THSD7A: variants seen among roughly 807,000 people sequenced by gnomAD.
The protein encoded by THSD7A is thrombospondin type 1 domain containing 7A, also known as thrombospondin type-1 domain-containing protein 7A.
A neutral mutation model predicts 231.3 loss-of-function variants in THSD7A; 96 were observed. The observed-to-expected ratio is 0.41, with a 90% confidence interval of 0.35 to 0.49. THSD7A has a LOEUF of 0.49. THSD7A is among the 20% of genes least tolerant of loss of function. The pLI is 0.05. For synonymous variants in THSD7A, 940 were observed against 743.3 expected, an observed-to-expected ratio of 1.26 and a Z score of -4.30; for missense variants, 2,290 against 2,070.2, an observed-to-expected ratio of 1.11 and a Z score of -2.06.
chr7:11,595,523 G>A (rs968537369), intron 2 of THSD7A, among the ~76,000 whole-genome samples: 7 of 152,150 alleles, frequency 4.6e-5, no homozygotes, highest in South Asian at 2.1e-4. Context: ...CATTGTGAGC[G>A]AGCTGGAAAT....
At chr7:11,685,984 T>C (rs1252165724) in intron 1 of THSD7A, among the ~76,000 whole-genome samples, 1 of 151,866 alleles carries the variant, frequency 6.6e-6, no homozygotes, top group Non-Finnish European at 1.5e-5. Context: ...CCATTAATGG[T>C]GGACTGGATA....
chr7:11,661,974 T>C (rs1293292834), intron 1 of THSD7A, among the ~76,000 whole-genome samples: 4 of 150,848 alleles, frequency 2.7e-5, no homozygotes, highest in Non-Finnish European at 5.9e-5. Flanking sequence ...TAAACACAAA[T>C]CATTGAAAGA....
At chr7:11,409,146 GA>G in intron 19 of THSD7A, among the ~76,000 whole-genome samples, 1 of 152,100 alleles carries the variant, frequency 6.6e-6, no homozygotes, top group Non-Finnish European at 1.5e-5. Context: ...TAAGAAATAG[GA>G]AAGAAAAAAC....
chr7:11,717,373 T>C (rs1349627330), intron 1 of THSD7A, among the ~76,000 whole-genome samples: 1 of 151,652 alleles, frequency 6.6e-6, no homozygotes, highest in Middle Eastern at 3.2e-3. Flanking sequence ...ACATTTTGTT[T>C]CTCTATCCTT....
In THSD7A at chr7:11,377,620, T is replaced by C. The variant is rs1481497000; in HGVS notation, c.4802-963A>G. On this transcript the variant is annotated intron_variant, in intron 26 of 27. Coordinates refer to ENST00000423059, the MANE Select transcript of THSD7A (RefSeq NM_015204.3). The surrounding 1 kb of genome is among the most constrained non-coding windows in gnomAD (Gnocchi z 4.5). ...TTGCTGGGAATAAACTCAATTAATA[T>C]TCTAAATATCCTTTCTTTCTAATCC... Among the ~76,000 whole-genome samples the C allele has an allele frequency of 4.6e-5, 7 of 152,072 alleles. No homozygotes were observed. Among genetic ancestry groups the C allele is most frequent in the Non-Finnish European group, 1.0e-4 (7 of 67,978 alleles).
chr7:11,669,833 A>C (rs943096929), intron 1 of THSD7A, among the ~76,000 whole-genome samples: 4 of 152,138 alleles, frequency 2.6e-5, no homozygotes, highest in Non-Finnish European at 5.9e-5. Flanking sequence ...ATAATCCTTC[A>C]TCTAAGAGTA....
At chr7:11,691,349 G>C (rs969498117) in intron 1 of THSD7A, among the ~76,000 whole-genome samples, 11 of 151,394 alleles carry the variant, frequency 7.3e-5, no homozygotes, top group African/African-American at 2.4e-4. Flanking sequence ...TCAAAGAGTA[G>C]TATATGATAT....
At chr7:11,523,536 C>G (rs939439631) in intron 6 of THSD7A, among the ~76,000 whole-genome samples, 2 of 151,792 alleles carry the variant, frequency 1.3e-5, no homozygotes, top group South Asian at 2.1e-4. Context: ...TAATCCCTGA[C>G]AAAAAATTAC....
intron 11 of THSD7A, among the ~76,000 whole-genome samples, chr7:11,459,665 ATTTTTTTTTTTTTTTTTTTTTTT>A (rs34415355): frequency 1.3e-4 from 5 of 39,918 alleles, no homozygotes; most frequent in East Asian, 1.1e-3. Flanking sequence ...AAAACAGGGG[ATTTTTTTTTTTTTTTTTTTTTTT>A]TTTTTTTTTT....
chr7:11,516,206 C>A (rs976352282), intron 6 of THSD7A, among the ~76,000 whole-genome samples: 1 of 152,072 alleles, frequency 6.6e-6, no homozygotes, highest in Non-Finnish European at 1.5e-5. Context: ...CAAATAGGTT[C>A]AAACCCAAAA....
intron 1 of THSD7A, among the ~76,000 whole-genome samples, chr7:11,769,132 TATATATATATATATATA>T (rs1562541156): frequency 2.4e-5 from 1 of 41,990 alleles, no homozygotes; most frequent in Non-Finnish European, 5.4e-5. Flanking sequence ...AATATATATA[TATATATATATATATATA>T]TATATTTTTT....
chr7:11,781,459 C>G (rs1222356494), intron 1 of THSD7A, among the ~76,000 whole-genome samples: 3 of 151,864 alleles, frequency 2.0e-5, no homozygotes, highest in Non-Finnish European at 2.9e-5. Flanking sequence ...AACAAACAAA[C>G]AAGCAAACAA....
chr7:11,460,025 G>A (rs1426376352), intron 11 of THSD7A, among the ~76,000 whole-genome samples: 1 of 151,924 alleles, frequency 6.6e-6, no homozygotes, highest in Non-Finnish European at 1.5e-5. Flanking sequence ...TCCAAATCTT[G>A]AGTTTCTATA....
At position 11,773,710 on chromosome 7, in the gene THSD7A, T is replaced by C. The variant is rs375161903; in HGVS notation, c.190+58047A>G. Among the ~76,000 whole-genome samples, 268 of 152,300 alleles carry C rather than the reference T, an allele frequency of 1.8e-3. 2 individuals carry two copies. The highest frequency in any genetic ancestry group is 6.1e-3 in the African/African-American group (253 of 41,550). ...ATAATACATATTTGTGGGGTACATTTTTTTTGATACAAGCTTACAATGTGG... is the reference window on the plus strand; with the variant it reads ...ATAATACATATTTGTGGGGTACATTCTTTTTGATACAAGCTTACAATGTGG... On this transcript the variant is annotated intron_variant, in intron 1 of 27. Coordinates refer to ENST00000423059, the MANE Select transcript of THSD7A (RefSeq NM_015204.3).
chr7:11,803,299 A>G lies in THSD7A; in HGVS notation c.190+28458T>C, dbSNP rs186734223. Among the ~76,000 whole-genome samples the G allele has an allele frequency of 1.0e-3, 152 of 152,312 alleles. 1 individual carries two copies. Among genetic ancestry groups the G allele is most frequent in the Middle Eastern group, 3.4e-3 (1 of 294 alleles). On this transcript the variant is annotated intron_variant, in intron 1 of 27. Transcript: ENST00000423059. ...CAATATTTTATAGTGGAGAAAAGTG[A>G]GGCTTAGAAAAATTAACAATGTAAG...
chr7:11,614,513 G>A (rs576769099), intron 2 of THSD7A, among the ~76,000 whole-genome samples: 43 of 152,186 alleles, frequency 2.8e-4, no homozygotes, highest in Middle Eastern at 3.4e-3. Flanking sequence ...TTAGGAAGGC[G>A]GATCTACAAG....
At chr7:11,771,614 G>A (rs1053789699) in intron 1 of THSD7A, among the ~76,000 whole-genome samples, 25 of 151,396 alleles carry the variant, frequency 1.7e-4, no homozygotes, top group African/African-American at 5.8e-4. Context: ...TTTTCCTGGA[G>A]TAAATAGTAA....
rs1785107611 is a variant in THSD7A at position 11,828,946 on chromosome 7, A to G, written c.190+2811T>C. Among the ~76,000 whole-genome samples the G allele has an allele frequency of 2.0e-5, 3 of 152,236 alleles. No homozygotes were observed. The South Asian group carries it at 6.2e-4, about 32-fold the overall frequency. The stretch of plus-strand genomic sequence containing the variant: ...TTCCTCTTCCTCCTCAGCCTATTCA[A>G]TGTGAAGACGATGAAGATAAAGACC... On this transcript the variant is annotated intron_variant, in intron 1 of 27. Transcript: ENST00000423059.
At chr7:11,741,673 T>G (rs1410071602) in intron 1 of THSD7A, among the ~76,000 whole-genome samples, 5 of 151,908 alleles carry the variant, frequency 3.3e-5, no homozygotes, top group African/African-American at 4.8e-5. Flanking sequence ...ATTTTTAAAT[T>G]ATAAGGTTAA....
Sources: allele counts gnomAD v4.1 joint callset (sites outside exome capture counted in the v4.1 genomes callset), GRCh38; gene constraint gnomAD v4.1.1; non-coding constraint Gnocchi (gnomAD v3.1); transcripts MANE v1.5; gene names NCBI Gene and HGNC (gene_info 2026-07-23, HGNC 2026-07-21).